RALGPS1: variants seen among roughly 807,000 people sequenced by gnomAD.
RALGPS1 encodes Ral GEF with PH domain and SH3 binding motif 1.
In RALGPS1, 19 loss-of-function variants were observed where a neutral mutation model predicts 78.8. The ratio of observed to expected loss-of-function variants is 0.24; its 90% CI spans 0.17 to 0.35. The LOEUF is 0.35. Among genes scored for constraint, RALGPS1 ranks in the 10% least tolerant of loss-of-function variants. RALGPS1 has a pLI of 1.00. For missense variants in RALGPS1, 454 were observed against 688.3 expected (o/e 0.66, Z 3.81); for synonymous variants, 228 against 256.3 (o/e 0.89, Z 1.06).
chr9:126,923,690 G>T (rs1164373306), intron 1 of RALGPS1, among the ~76,000 whole-genome samples: 1 of 152,150 alleles, frequency 6.6e-6, no homozygotes, highest in Non-Finnish European at 1.5e-5. Context: ...ACACAGTCTT[G>T]CTGAGTCACC....
chr9:126,952,628 TGA>T (rs34773282), intron 1 of RALGPS1, among the ~76,000 whole-genome samples: 24,650 of 138,178 alleles, frequency 0.18, 2,592 homozygotes, highest in East Asian at 0.41. Flanking sequence ...TGGCTGTGGC[TGA>T]GAGAGAGAGA....
chr9:126,971,685 A>G (rs1427205091), intron 3 of RALGPS1, among the ~76,000 whole-genome samples: 1 of 152,224 alleles, frequency 6.6e-6, no homozygotes, highest in Non-Finnish European at 1.5e-5. Context: ...TGAATCTTAG[A>G]TAATGAACAT....
rs538003233 is a variant in RALGPS1 at position 127,164,904 on chromosome 9, G to GTA, written c.611-1157_611-1156dup. ...TGCATTAATATATATATGTGTATATGTATATATATGTGTATGATGTATACA... is the reference window on the plus strand; with the variant it reads ...TGCATTAATATATATATGTGTATATGTATATATATATGTGTATGATGTATACA... On this transcript the variant is annotated intron_variant, in intron 8 of 18. Coordinates refer to ENST00000259351, the MANE Select transcript of RALGPS1 (RefSeq NM_014636.3). Among the ~76,000 whole-genome samples, 577 of 152,144 alleles carry GTA rather than the reference G, an allele frequency of 3.8e-3. 1 individual carries two copies. Among genetic ancestry groups the GTA allele is most frequent in the Non-Finnish European group, 6.6e-3 (446 of 68,014 alleles).
chr9:127,196,643 C>CCTA lies in RALGPS1; in HGVS notation c.1195+12_1195+13insCTA. On this transcript the variant is annotated intron_variant, in intron 13 of 18. Coordinates refer to ENST00000259351, the MANE Select transcript of RALGPS1 (RefSeq NM_014636.3). ...TGGACTCTCCCTAGGTAAGCGTCTCCGGCCTGCACATGATAGGCTGGTGGG... is the reference window on the plus strand; with the variant it reads ...TGGACTCTCCCTAGGTAAGCGTCTCCCTAGGCCTGCACATGATAGGCTGGTGGG... The CCTA allele has an allele frequency of 6.3e-7, 1 of 1,576,220 alleles. No homozygotes were observed. The highest frequency in any genetic ancestry group is 8.6e-7 in the Non-Finnish European group (1 of 1,159,650).
At position 127,069,299 on chromosome 9, in the gene RALGPS1, A is replaced by T. The variant is rs1266794844; in HGVS notation, c.553A>T (p.Lys185Ter). The T allele has an allele frequency of 6.2e-7, 1 of 1,613,926 alleles. No homozygotes were observed. Among genetic ancestry groups the T allele is most frequent in the Non-Finnish European group, 8.5e-7 (1 of 1,179,780 alleles). ...DYLMSKEDNYKRTREYIRSLK... is the reference protein window; with the variant it reads ...DYLMSKEDNY ...CCTGATGTCGAAAGAAGATAATTAC[A>T]AGCGGACACGGGAATATATCCGAAG... Residue 185 changes from lysine to a stop codon, truncating the protein, a stop_gained, in exon 8 of 19, where the codon AAG (lysine) becomes TAG (stop). Coordinates refer to ENST00000259351, the MANE Select transcript of RALGPS1 (RefSeq NM_014636.3). LOFTEE classifies it high-confidence loss of function.
At chr9:126,986,752 T>C (rs1244809161) in intron 4 of RALGPS1, among the ~76,000 whole-genome samples, 1 of 152,220 alleles carries the variant, frequency 6.6e-6, no homozygotes, top group Non-Finnish European at 1.5e-5. Flanking sequence ...CTGTCAGAGC[T>C]GAGCTGCTGG....
intron 5 of RALGPS1, among the ~76,000 whole-genome samples, chr9:127,043,936 A>G (rs771895731): frequency 1.3e-5 from 2 of 152,236 alleles, no homozygotes; most frequent in African/African-American, 2.4e-5. Context: ...GATAACACCA[A>G]TTGCCGTCAA....
chr9:126,952,203 G>A (rs1043384976), intron 1 of RALGPS1, among the ~76,000 whole-genome samples: 1 of 152,208 alleles, frequency 6.6e-6, no homozygotes, highest in Non-Finnish European at 1.5e-5. Context: ...TCTTTACTGA[G>A]CACTGCTGAC....
chr9:127,087,781 T>C (rs530649450), intron 8 of RALGPS1: 1 of 152,362 alleles, frequency 6.6e-6, no homozygotes, highest in African/African-American at 2.4e-5. Flanking sequence ...ATGCGGACTC[T>C]AGTCAGCCTG....
intron 8 of RALGPS1, among the ~76,000 whole-genome samples, chr9:127,124,031 T>C (rs976482782): frequency 6.6e-6 from 1 of 152,334 alleles, no homozygotes. Context: ...TCCTCCCTAC[T>C]ACCAGGCACC....
At chr9:126,987,240 G>A (rs2041886313) in intron 4 of RALGPS1, among the ~76,000 whole-genome samples, 1 of 152,110 alleles carries the variant, frequency 6.6e-6, no homozygotes, top group South Asian at 2.1e-4. Flanking sequence ...TGCCCTAGGA[G>A]CCCTGCAAAC....
At chr9:126,977,566 A>G (rs200476784) in intron 3 of RALGPS1, 129 bp from the exon 4 acceptor site, 2 of 512,498 alleles carry the variant, frequency 3.9e-6, no homozygotes, top group South Asian at 4.4e-5. Context: ...TTTTTACTCT[A>G]TTTGGTCTTG....
chr9:126,970,200 T>A (rs984382061), intron 3 of RALGPS1, among the ~76,000 whole-genome samples: 1 of 152,002 alleles, frequency 6.6e-6, no homozygotes, highest in African/African-American at 2.4e-5. Flanking sequence ...TGAACAAAAT[T>A]GTAGTAAACC....
At chr9:127,037,931 T>A (rs974130739) in intron 5 of RALGPS1, among the ~76,000 whole-genome samples, 3 of 152,218 alleles carry the variant, frequency 2.0e-5, no homozygotes, top group Non-Finnish European at 4.4e-5. Flanking sequence ...CCACATGGAC[T>A]GAGAATGGAG....
chr9:127,032,915 C>T (rs1344551315), intron 4 of RALGPS1, among the ~76,000 whole-genome samples: 1 of 152,218 alleles, frequency 6.6e-6, no homozygotes, highest in Non-Finnish European at 1.5e-5. Context: ...ACTTCTACAA[C>T]TTAAAGAGAC....
intron 8 of RALGPS1, chr9:127,108,222 C>A: frequency 6.2e-7 from 1 of 1,614,074 alleles, no homozygotes; most frequent in Non-Finnish European, 8.5e-7. Context: ...TGGCCAGCTG[C>A]AGCATGTCGG....
At chr9:127,022,987 G>A (rs919928254) in intron 4 of RALGPS1, among the ~76,000 whole-genome samples, 3 of 152,146 alleles carry the variant, frequency 2.0e-5, no homozygotes, top group African/African-American at 7.2e-5. Context: ...TTTAATTTTG[G>A]TGAATAAATG....
At chr9:127,034,665 G>A (rs1298404239) in intron 5 of RALGPS1, 151 bp downstream of exon 5, 3 of 689,958 alleles carry the variant, frequency 4.3e-6, no homozygotes, top group Non-Finnish European at 7.9e-6. Flanking sequence ...ATCCAGTTTT[G>A]TGCCATTATA....
intron 8 of RALGPS1, among the ~76,000 whole-genome samples, chr9:127,093,233 G>C (rs1328961528): frequency 6.6e-6 from 1 of 152,096 alleles, no homozygotes; most frequent in African/African-American, 2.4e-5. Flanking sequence ...TCAACTCCCT[G>C]GGAACCAGGG....
Sources: gnomAD v4.1 joint callset for allele counts (sites outside exome capture counted in the v4.1 genomes callset) on GRCh38, gnomAD v4.1.1 for gene constraint, MANE v1.5 for transcripts, NCBI Gene and HGNC (gene_info 2026-07-23, HGNC 2026-07-21) for gene names.